The following PRKCQ variants were observed in gnomAD, a reference collection of about 807,000 sequenced individuals.
PRKCQ encodes protein kinase C theta.
Under a neutral mutation model 91.2 loss-of-function variants are expected in PRKCQ, and 41 were observed. That is an observed-to-expected ratio of 0.45 (90% confidence interval 0.35 to 0.58). The LOEUF is 0.58. PRKCQ is among the 20% of genes least tolerant of loss of function. The pLI is 0.00. For synonymous variants in PRKCQ, 307 were observed against 316.9 expected (o/e 0.97, Z 0.33); for missense variants, 673 against 896.5 (o/e 0.75, Z 3.18).
intron 1 of PRKCQ, among the ~76,000 whole-genome samples, chr10:6,537,883 G>GC (rs961471366): frequency 1.3e-5 from 2 of 152,120 alleles, no homozygotes; most frequent in Non-Finnish European, 2.9e-5. Context: ...CTTCCACAGC[G>GC]CCCCCCTTCC....
chr10:6,510,294 T>C (rs1246573476), intron 3 of PRKCQ, among the ~76,000 whole-genome samples: 2 of 152,222 alleles, frequency 1.3e-5, no homozygotes, highest in East Asian at 1.9e-4. Context: ...TTTACTACCA[T>C]AATCCAGGTT....
chr10:6,503,906 A>G (rs1163486024), intron 4 of PRKCQ, among the ~76,000 whole-genome samples: 2 of 152,078 alleles, frequency 1.3e-5, no homozygotes, highest in African/African-American at 4.8e-5. Flanking sequence ...CCTCTCAAGT[A>G]GGTGGGACTA....
intron 1 of PRKCQ, among the ~76,000 whole-genome samples, chr10:6,548,738 T>A (rs1405114488): frequency 6.2e-5 from 4 of 64,424 alleles, no homozygotes; most frequent in South Asian, 7.0e-4. Flanking sequence ...TGTTGTGGGG[T>A]GGGGGGAGGG....
the PRKCQ span, among the ~76,000 whole-genome samples, chr10:6,409,330 C>T: frequency 6.6e-6 from 1 of 152,108 alleles, no homozygotes; most frequent in South Asian, 2.1e-4. Flanking sequence ...AGTCTTGCTC[C>T]GTCATCCAGG....
the PRKCQ span, among the ~76,000 whole-genome samples, chr10:6,417,535 G>A: frequency 3.3e-5 from 5 of 152,232 alleles, no homozygotes; most frequent in African/African-American, 1.2e-4. Context: ...TCTGATGTTC[G>A]GAATGCGTGC....
chr10:6,553,926 T>C (rs1840308862), intron 1 of PRKCQ, among the ~76,000 whole-genome samples: 1 of 151,676 alleles, frequency 6.6e-6, no homozygotes, highest in Non-Finnish European at 1.5e-5. Flanking sequence ...CAGAATTATA[T>C]TTGGTATGGA....
chr10:6,553,504 A>ATG (rs58093492), intron 1 of PRKCQ, among the ~76,000 whole-genome samples: 1 of 145,420 alleles, frequency 6.9e-6, no homozygotes, highest in African/African-American at 2.5e-5. Flanking sequence ...AAAAAAAAAA[A>ATG]AAAAAAAAAA....
rs1162962959 is a variant in PRKCQ, at chr10:6,576,461, C to T, written c.-10+3750G>A. ...TAAGACAGTTACAAAAGGATGGATA[C>T]TGTATTCTGCTTCTGTGAGGTCCCT... On this transcript the variant is annotated intron_variant, in intron 1 of 17. Transcript: ENST00000263125. The surrounding 1 kb of genome is among the most constrained non-coding windows in gnomAD (Gnocchi z 4.2). Among the ~76,000 whole-genome samples, 1 of 152,188 alleles carries T rather than the reference C, an allele frequency of 6.6e-6. No homozygotes were observed. Among genetic ancestry groups the T allele is most frequent in the Non-Finnish European group, 1.5e-5 (1 of 68,040 alleles).
At chr10:6,470,087 T>C (rs1835875718) in intron 12 of PRKCQ, among the ~76,000 whole-genome samples, 1 of 152,234 alleles carries the variant, frequency 6.6e-6, no homozygotes, top group South Asian at 2.1e-4. Context: ...TGAATCTGCC[T>C]ATCCACCACT....
In PRKCQ at chr10:6,428,439, T is replaced by C. The variant is rs917458346; in HGVS notation, c.1966-77A>G. 3 of 1,511,132 alleles carry C rather than the reference T, an allele frequency of 2.0e-6. No homozygotes were observed. The African/African-American group carries it at 4.1e-5, about 21-fold the overall frequency. 93.6% of individuals were successfully genotyped at this position (1,511,132 alleles called of 1,614,324 possible). ...GTTCATGATCTTCACTTTTGTTATC[T>C]AGGCCGTGATCTGCGTATGGCAAAG... is the stretch of plus-strand genomic sequence containing the variant. On this transcript the variant is annotated intron_variant, in intron 17 of 17. Coordinates refer to ENST00000263125, the MANE Select transcript of PRKCQ (RefSeq NM_006257.5).
chr10:6,462,214 GCTGT>G (rs1479594847), intron 14 of PRKCQ, 85 bp downstream of exon 14: 1 of 1,186,578 alleles, frequency 8.4e-7, no homozygotes, highest in Non-Finnish European at 1.2e-6. Flanking sequence ...AATCACATGG[GCTGT>G]CTCACAGCAC....
chr10:6,458,575 C>A (rs1281229593), intron 14 of PRKCQ, among the ~76,000 whole-genome samples: 1 of 152,116 alleles, frequency 6.6e-6, no homozygotes, highest in Non-Finnish European at 1.5e-5. Flanking sequence ...GGAGGCAAAG[C>A]TTTTCTATTT....
intron 12 of PRKCQ, among the ~76,000 whole-genome samples, chr10:6,467,303 GA>G (rs1564323916): frequency 4.4e-5 from 6 of 137,318 alleles, no homozygotes; most frequent in Non-Finnish European, 9.8e-5. Context: ...GGCTGAGAGA[GA>G]GAGAGAGAGA....
chr10:6,526,216 T>TG (rs1464916648), intron 1 of PRKCQ, among the ~76,000 whole-genome samples: 1 of 152,222 alleles, frequency 6.6e-6, no homozygotes, highest in African/African-American at 2.4e-5. Flanking sequence ...TTGGTATTTA[T>TG]GACCTAATGT....
At chr10:6,490,572 A>C (rs1837235114) in intron 8 of PRKCQ, among the ~76,000 whole-genome samples, 2 of 145,200 alleles carry the variant, frequency 1.4e-5, no homozygotes, top group Admixed American at 1.3e-4. Context: ...AAAAAAAAAA[A>C]AAACAAAGAA....
In PRKCQ at chr10:6,511,241, G is replaced by C. The variant is rs912680548; in HGVS notation, c.119-47C>G. 7 of 1,575,242 alleles carry C rather than the reference G, an allele frequency of 4.4e-6. No individual in the cohort carries two copies. The South Asian group carries it at 6.7e-5, about 15-fold the overall frequency. On this transcript the variant is annotated intron_variant, in intron 2 of 17. Coordinates refer to ENST00000263125, the MANE Select transcript of PRKCQ (RefSeq NM_006257.5). Reference sequence around the variant, plus strand: ...CTCATTATTCCTTCAGCCAGGCCTGGAAAATAATTCAGTTCAACTCAACAG... The same window carrying C: ...CTCATTATTCCTTCAGCCAGGCCTGCAAAATAATTCAGTTCAACTCAACAG...
chr10:6,433,834 C>A (rs1833539446), intron 16 of PRKCQ, among the ~76,000 whole-genome samples: 1 of 151,888 alleles, frequency 6.6e-6, no homozygotes, highest in Admixed American at 6.6e-5. Flanking sequence ...AGTTTGAGAC[C>A]AGCCTAGCCA....
At chr10:6,399,717 T>A in the PRKCQ span, among the ~76,000 whole-genome samples, 1 of 152,150 alleles carries the variant, frequency 6.6e-6, no homozygotes, top group Non-Finnish European at 1.5e-5. Context: ...AAGCCTGGCC[T>A]TTCCCCCTAG....
intron 12 of PRKCQ, among the ~76,000 whole-genome samples, chr10:6,474,173 T>A (rs766300816): frequency 1.3e-5 from 2 of 152,230 alleles, no homozygotes; most frequent in Non-Finnish European, 2.9e-5. Context: ...AATGTTCAAC[T>A]GGTGCATATT....
Sources: allele counts gnomAD v4.1 joint callset (sites outside exome capture counted in the v4.1 genomes callset), GRCh38; gene constraint gnomAD v4.1.1; non-coding constraint Gnocchi (gnomAD v3.1); transcripts MANE v1.5; gene names NCBI Gene and HGNC (gene_info 2026-07-23, HGNC 2026-07-21).